The following NOD1 variants were observed in gnomAD, a reference collection of about 807,000 sequenced individuals.
The protein encoded by NOD1 is nucleotide binding oligomerization domain containing 1, also known as nucleotide-binding oligomerization domain-containing protein 1.
NOD1 carries 70 observed loss-of-function variants against 81.2 expected under a neutral mutation model. The ratio of observed to expected loss-of-function variants is 0.86; its 90% CI spans 0.71 to 1.05. The LOEUF (loss-of-function observed/expected upper bound fraction) is 1.05. Ranked by LOEUF, NOD1 falls within the 50% of genes least tolerant of loss-of-function variation. The pLI, the probability that NOD1 is intolerant of heterozygous loss-of-function variation, is 0.00. For missense variants in NOD1, 1,233 were observed against 1,228.0 expected (o/e 1.00, Z -0.06); for synonymous variants, 508 against 526.9 (o/e 0.96, Z 0.49).
chr7:30,427,733 G>A (rs1340209707), intron 13 of NOD1, among the ~76,000 whole-genome samples: 2 of 152,236 alleles, frequency 1.3e-5, no homozygotes, highest in Non-Finnish European at 2.9e-5. Context: ...TGTAGGAATG[G>A]TGACCCTCAA....
At chr7:30,427,280 T>C (rs999349431) in intron 13 of NOD1, among the ~76,000 whole-genome samples, 3 of 152,338 alleles carry the variant, frequency 2.0e-5, no homozygotes, top group African/African-American at 7.2e-5. Context: ...CTCTAATTTC[T>C]GTTCTTAAAG....
rs781375379 is a variant in NOD1 at position 30,433,158 on chromosome 7, G to A, written c.2643C>T (p.Asn881=). 17 of 1,613,736 alleles carry A rather than the reference G, an allele frequency of 1.1e-5. No homozygotes were observed. Among genetic ancestry groups the A allele is most frequent in the East Asian group, 2.2e-5 (1 of 44,902 alleles). ...CTGCCAAACTCTCTGCCACTTCATC[G>A]TTGAGTTCATTTTGGGTCAGCCTAA... is the stretch of plus-strand genomic sequence containing the variant. ...EILWLTQNEL[N]DEVAESLAEM... Residue 881 remains asparagine (N), a synonymous_variant, in exon 12 of 14, where the codon AAC becomes AAT. Coordinates refer to ENST00000222823, the MANE Select transcript of NOD1 (RefSeq NM_006092.4).
chr7:30,451,321 A>G lies in NOD1; in HGVS notation c.2096T>C (p.Leu699Pro). Residue 699 changes from leucine (L) to proline (P), a missense_variant, in exon 6 of 14, where the codon CTG (leucine) becomes CCG (proline). Physicochemically the swap from Leu to Pro is moderately conservative, Grantham distance 98 (BLOSUM62 -3). Transcript: ENST00000222823. The surrounding 1 kb of genome is among the most constrained non-coding windows in gnomAD (Gnocchi z 4.2). Reference sequence around the variant, plus strand: ...GGCCAGCCGCTTGGGGAAGTGATGCAGGACGAAGGAGAGGGCGCTGCAGTC... The same window carrying G: ...GGCCAGCCGCTTGGGGAAGTGATGCGGGACGAAGGAGAGGGCGCTGCAGTC... ...SADCSALSFV[L>P]HHFPKRLALD... 1 of 1,614,194 alleles carries G rather than the reference A, an allele frequency of 6.2e-7. No homozygotes were observed. The highest frequency in any genetic ancestry group is 1.3e-5 in the African/African-American group (1 of 75,066).
intron 1 of NOD1, among the ~76,000 whole-genome samples, chr7:30,466,177 C>T (rs184761377): frequency 6.6e-6 from 1 of 152,306 alleles, no homozygotes; most frequent in Admixed American, 6.5e-5. Flanking sequence ...TCCTTGAAAA[C>T]CAACACAGTG....
At position 30,434,990 on chromosome 7, in the gene NOD1, C is replaced by T. The variant is rs147696736; in HGVS notation, c.2621+1008G>A. ...CTCGCTATATTGCCCAGGCTAGTCT[C>T]GAACTCTTGGCCTCAAGCGATCCTC... On this transcript the variant is annotated intron_variant, in intron 11 of 13. Coordinates refer to ENST00000222823, the MANE Select transcript of NOD1 (RefSeq NM_006092.4). Among the ~76,000 whole-genome samples, 5 of 151,762 alleles carry T rather than the reference C, an allele frequency of 3.3e-5. No homozygotes were observed. The East Asian group carries it at 5.8e-4, about 18-fold the overall frequency.
chr7:30,456,788 A>T lies in NOD1; in HGVS notation c.134T>A (p.Leu45Gln). 6.2e-7 allele frequency: 1 copy of T among 1,614,218 alleles called. No homozygotes were observed. The highest frequency in any genetic ancestry group is 8.5e-7 in the Non-Finnish European group (1 of 1,180,036). Residue 45 changes from leucine (L) to glutamine (Q), a missense_variant, in exon 4 of 14, where the codon CTG (leucine) becomes CAG (glutamine). Coordinates refer to ENST00000222823, the MANE Select transcript of NOD1 (RefSeq NM_006092.4). Reference protein sequence around the residue: ...RNTQCLVDNLLKNDYFSAEDA... With the variant: ...RNTQCLVDNLQKNDYFSAEDA... ...TTCGGCCGAGAAGTAGTCATTCTTC[A>T]GCAAGTTGTCCACCAGACACTGAGT...
At chr7:30,471,518 C>T (rs1456444320) in intron 1 of NOD1, among the ~76,000 whole-genome samples, 1 of 152,196 alleles carries the variant, frequency 6.6e-6, no homozygotes, top group Admixed American at 6.5e-5. Flanking sequence ...CCTGAAAACA[C>T]CCAATAAAGA....
chr7:30,445,379 G>C (rs377703577), intron 9 of NOD1, among the ~76,000 whole-genome samples: 102 of 147,836 alleles, frequency 6.9e-4, no homozygotes, highest in African/African-American at 2.5e-3. Context: ...CCAAAGCATA[G>C]AAGCAAGCCA....
At chr7:30,428,620 G>A (rs1783670819) in intron 13 of NOD1, 1 of 151,942 alleles carries the variant, frequency 6.6e-6, no homozygotes, top group African/African-American at 2.4e-5. Flanking sequence ...CTAAAGCAAA[G>A]TTTAAAAAAC....
At chr7:30,438,807 GTCTC>G in intron 9 of NOD1, among the ~76,000 whole-genome samples, 1 of 152,206 alleles carries the variant, frequency 6.6e-6, no homozygotes, top group Non-Finnish European at 1.5e-5. Flanking sequence ...GATACATATA[GTCTC>G]ACCCCTACTA....
Position 30,452,169 on chromosome 7 carries a change from G to A in NOD1, c.1248C>T (p.Asp416=). The A allele has an allele frequency of 1.2e-6, 2 of 1,614,036 alleles. No individual in the cohort carries two copies. Among genetic ancestry groups the A allele is most frequent in the East Asian group, 2.2e-5 (1 of 44,868 alleles). Residue 416 remains aspartate (D), a synonymous_variant, in exon 6 of 14, where the codon GAC becomes GAT. Coordinates refer to ENST00000222823, the MANE Select transcript of NOD1 (RefSeq NM_006092.4). The part of the protein sequence containing the change: ...AAFEGSPQLP[D]CTMTLTDVFL... ...AGACATCTGTCAGGGTCATCGTGCA[G>A]TCGGGCAGCTGTGGTGAGCCTTCAA...
chr7:30,455,419 G>A (rs976322730), intron 4 of NOD1, 108 bp from the exon 5 acceptor site: 18 of 776,390 alleles, frequency 2.3e-5, no homozygotes, highest in South Asian at 3.6e-5. Context: ...TAGTACAGCC[G>A]GTAGCTATGC....
Position 30,453,203 on chromosome 7 carries a change from C to A in NOD1, c.377-163G>T, listed in dbSNP as rs376639160. ...CTCCTCAGATGCAGGACCTGGGGAG[C>A]GTCACAGAGCCAGCATTCCTGACCC... On this transcript the variant is annotated intron_variant, in intron 5 of 13. Transcript: ENST00000222823. Among the ~76,000 whole-genome samples the A allele has an allele frequency of 2.0e-5, 3 of 152,116 alleles. No individual in the cohort carries two copies. In the East Asian group the frequency reaches 5.8e-4, roughly 29 times the overall value.
intron 1 of NOD1, among the ~76,000 whole-genome samples, chr7:30,470,257 C>T (rs1562718727): frequency 6.6e-6 from 1 of 152,244 alleles, no homozygotes; most frequent in East Asian, 1.9e-4. Context: ...AATACACGTA[C>T]ATACGGTATT....
chr7:30,474,658 T>C (rs1448119443), intron 1 of NOD1, among the ~76,000 whole-genome samples: 2 of 152,224 alleles, frequency 1.3e-5, no homozygotes, highest in Non-Finnish European at 2.9e-5. Flanking sequence ...CAGGCGGTAA[T>C]GCTTGCTCAC....
rs921753306 is a variant in NOD1, at chr7:30,467,343, TG to T, written c.-351-7303del. On this transcript the variant is annotated intron_variant, in intron 1 of 13. Transcript: ENST00000222823. This position sits in a 1 kb window ranked among gnomAD's most constrained non-coding sequence, Gnocchi z 4.5. ...AGTAGGGTAGGACTTTTATTCGTAA[TG>T]TTTTTTTTTTTATAAGAAGGCTATA... 3.1e-4 allele frequency among the ~76,000 whole-genome samples: 43 copies of T among 139,010 alleles called. No homozygotes were observed. The highest frequency in any genetic ancestry group is 7.7e-4 in the African/African-American group (31 of 40,358). 91.2% of individuals were successfully genotyped at this position (139,010 alleles called of 152,430 possible). A position where few individuals can be genotyped will look rare whatever the true frequency, so the allele number is the denominator to read the frequency against.
In NOD1 at chr7:30,451,908, C is replaced by A. The variant is rs1398940880; in HGVS notation, c.1509G>T (p.Glu503Asp). The A allele has an allele frequency of 6.2e-7, 1 of 1,613,474 alleles. No individual in the cohort carries two copies. Among genetic ancestry groups the A allele is most frequent in the Admixed American group, 1.7e-5 (1 of 60,002 alleles). ...MQLGFLRALP[E>D]LGPGGDQQSY... is the part of the protein sequence containing the mutation. Reference sequence around the variant, plus strand: ...ACTGCTGGTCACCCCCGGGGCCCAGCTCCGGCAAAGCCCGCAGGAAGCCCA... The same window carrying A: ...ACTGCTGGTCACCCCCGGGGCCCAGATCCGGCAAAGCCCGCAGGAAGCCCA... Residue 503 changes from glutamate to aspartate, a missense_variant, in exon 6 of 14, where the codon GAG becomes GAT. Glu to Asp is a conservative substitution (Grantham distance 45, BLOSUM62 2). Transcript: ENST00000222823. The surrounding 1 kb of genome is among the most constrained non-coding windows in gnomAD (Gnocchi z 4.2).
chr7:30,472,421 G>C (rs906606716), intron 1 of NOD1, among the ~76,000 whole-genome samples: 1 of 152,198 alleles, frequency 6.6e-6, no homozygotes, highest in Admixed American at 6.5e-5. Context: ...GGCGTCCCCA[G>C]ACTCTCCTAA....
chr7:30,459,430 G>C (rs1202036728), intron 2 of NOD1, among the ~76,000 whole-genome samples, 190 bp from the exon 3 acceptor site: 3 of 152,050 alleles, frequency 2.0e-5, no homozygotes, highest in Non-Finnish European at 4.4e-5. Flanking sequence ...TGTTGTTCTT[G>C]CCATAATTGA....
Sources: gnomAD v4.1 joint callset for allele counts (sites outside exome capture counted in the v4.1 genomes callset) on GRCh38, gnomAD v4.1.1 for gene constraint, Gnocchi (gnomAD v3.1) non-coding constraint, MANE v1.5 for transcripts, NCBI Gene and HGNC (gene_info 2026-07-23, HGNC 2026-07-21) for gene names.